PITPNM2: variants seen among roughly 807,000 people sequenced by gnomAD.
The protein encoded by PITPNM2 is phosphatidylinositol transfer protein membrane associated 2.
Under a neutral mutation model 132.2 loss-of-function variants are expected in PITPNM2, and 35 were observed. The observed-to-expected ratio is 0.26, with a 90% CI of 0.20 to 0.35. PITPNM2 has a LOEUF of 0.35. Among genes scored for constraint, PITPNM2 ranks in the 10% least tolerant of loss-of-function variants. The pLI is 1.00. For synonymous variants in PITPNM2, 738 were observed against 799.2 expected (o/e 0.92, Z 1.29); for missense variants, 1,332 against 1,912.0 (o/e 0.70, Z 5.66).
chr12:123,031,288 C>T lies in PITPNM2; in HGVS notation c.78+3225G>A, dbSNP rs1369064780. On this transcript the variant is annotated intron_variant, in intron 3 of 25. Coordinates refer to ENST00000320201, the MANE Select transcript of PITPNM2 (RefSeq NM_020845.3). This position sits in a 1 kb window ranked among gnomAD's most constrained non-coding sequence, Gnocchi z 4.5. ...ACAGTAGGCAGGCCAGCGTTTTGCC[C>T]CTCAGAGGGCACACGACCTATGGGC... is the stretch of plus-strand genomic sequence containing the variant. Among the ~76,000 whole-genome samples the T allele has an allele frequency of 1.3e-5, 2 of 152,210 alleles. No individual in the cohort carries two copies. The highest frequency in any genetic ancestry group is 2.9e-5 in the Non-Finnish European group (2 of 68,042).
chr12:123,114,952 A>G (rs565944938), intron 1 of PITPNM2, among the ~76,000 whole-genome samples: 20 of 152,288 alleles, frequency 1.3e-4, no homozygotes, highest in African/African-American at 4.8e-4. Context: ...AGATCCCTGC[A>G]TGAGGGCCAG....
In PITPNM2 at chr12:123,000,800, A is replaced by T. The variant is rs1173172988; in HGVS notation, c.1202T>A (p.Val401Glu). 6.2e-7 allele frequency: 1 copy of T among 1,614,018 alleles called. No individual in the cohort carries two copies. The change falls in exon 10 of 26, where the codon GTG becomes GAG. Residue 401 changes from valine (V) to glutamate (E), a missense_variant. Physicochemically the swap from Val to Glu is moderately radical, Grantham distance 121 (BLOSUM62 -2). Transcript: ENST00000320201. The surrounding 1 kb of genome is among the most constrained non-coding windows in gnomAD (Gnocchi z 5.4). Reference sequence around the variant, plus strand: ...CACCTCTATGATGTTCAGCTGCTCCACACTGGAGGCCACCCTGAACTCAGG... The same window carrying T: ...CACCTCTATGATGTTCAGCTGCTCCTCACTGGAGGCCACCCTGAACTCAGG... ...GAPEFRVASS[V>E]EQLNIIEDEV...
chr12:123,003,283 C>G (rs2038778470), intron 8 of PITPNM2, among the ~76,000 whole-genome samples: 1 of 152,206 alleles, frequency 6.6e-6, no homozygotes, highest in South Asian at 2.1e-4. Flanking sequence ...GCCGGCCCCC[C>G]TCCAGTCCTG....
At chr12:122,997,828 T>C (rs2038496672) in intron 10 of PITPNM2, among the ~76,000 whole-genome samples, 1 of 152,116 alleles carries the variant, frequency 6.6e-6, no homozygotes, top group Non-Finnish European at 1.5e-5. Flanking sequence ...GCAGCCCTGC[T>C]CCTGTCTGCC....
intron 2 of PITPNM2, among the ~76,000 whole-genome samples, chr12:123,042,928 T>C (rs545931814): frequency 8.6e-5 from 13 of 151,972 alleles, no homozygotes; most frequent in South Asian, 8.4e-4. Context: ...TGGGCTGGGG[T>C]TGCAGGAGTG....
At chr12:123,057,983 C>T (rs960945456) in intron 2 of PITPNM2, among the ~76,000 whole-genome samples, 8 of 152,162 alleles carry the variant, frequency 5.3e-5, no homozygotes, top group Admixed American at 3.9e-4. Context: ...GCCCCAAGTC[C>T]CAGGGACCCC....
Position 123,005,418 on chromosome 12 carries a change from G to T in PITPNM2, c.774C>A (p.Ala258=). The change falls in exon 7 of 26, where the codon GCC becomes GCA. Residue 258 remains alanine (A), a synonymous_variant. Transcript: ENST00000320201. This position sits in a 1 kb window ranked among gnomAD's most constrained non-coding sequence, Gnocchi z 6.2. ...EAQLMLSRKM[A]QFNEDGEEAT... Reference sequence around the variant, plus strand: ...CCTCCTCACCATCCTCATTGAACTGGGCCATCTTACGGGAAAGCATGAGCT... The same window carrying T: ...CCTCCTCACCATCCTCATTGAACTGTGCCATCTTACGGGAAAGCATGAGCT... 1 of 1,614,132 alleles carries T rather than the reference G, an allele frequency of 6.2e-7. No homozygotes were observed. The highest frequency in any genetic ancestry group is 8.5e-7 in the Non-Finnish European group (1 of 1,180,024).
chr12:123,069,939 A>G (rs533318216), intron 2 of PITPNM2, among the ~76,000 whole-genome samples: 1 of 152,320 alleles, frequency 6.6e-6, no homozygotes, highest in South Asian at 2.1e-4. Flanking sequence ...GTGAAAAGCC[A>G]GATGCAATGC....
intron 2 of PITPNM2, among the ~76,000 whole-genome samples, chr12:123,042,597 C>G (rs1176499081): frequency 6.6e-6 from 1 of 152,104 alleles, no homozygotes; most frequent in Non-Finnish European, 1.5e-5. Context: ...TAGTGGGAAG[C>G]GAGGGAGCCA....
chr12:123,128,577 C>T (rs1179674989), intron 1 of PITPNM2, among the ~76,000 whole-genome samples: 1 of 150,780 alleles, frequency 6.6e-6, no homozygotes, highest in Non-Finnish European at 1.5e-5. Context: ...CATGTTGAAA[C>T]CCCGCCTCTA....
chr12:123,119,459 AAC>A (rs2042992275), intron 1 of PITPNM2, among the ~76,000 whole-genome samples: 1 of 150,634 alleles, frequency 6.6e-6, no homozygotes, highest in Admixed American at 6.6e-5. Flanking sequence ...CCAGCTTCAC[AAC>A]ATTCTCCTGC....
chr12:123,026,585 G>A (rs1471272200), intron 3 of PITPNM2, among the ~76,000 whole-genome samples: 1 of 152,246 alleles, frequency 6.6e-6, no homozygotes, highest in African/African-American at 2.4e-5. Flanking sequence ...GTTTCTTTGG[G>A]CAGAGGCCTG....
rs534836069 is a variant in PITPNM2 at position 123,069,525 on chromosome 12, T to G, written c.-95-34840A>C. Among the ~76,000 whole-genome samples the G allele has an allele frequency of 1.1e-4, 16 of 152,220 alleles. 1 individual carries two copies. The South Asian group carries it at 3.3e-3, about 32-fold the overall frequency. The stretch of plus-strand genomic sequence containing the variant: ...GGGCTTGCTGGGGTCCCTATAGGCC[T>G]GGAATCAGATGGCCAGAGTCCTCTG... On this transcript the variant is annotated intron_variant, in intron 2 of 25. Transcript: ENST00000320201.
At chr12:123,081,805 G>A (rs1342088918) in intron 2 of PITPNM2, 1 of 152,252 alleles carries the variant, frequency 6.6e-6, no homozygotes, top group African/African-American at 2.4e-5. Flanking sequence ...TGGCAGCTGT[G>A]TGGCTTCAAA....
intron 3 of PITPNM2, among the ~76,000 whole-genome samples, chr12:123,026,038 G>A (rs2039852424): frequency 1.3e-5 from 2 of 152,108 alleles, no homozygotes; most frequent in Admixed American, 6.5e-5. Flanking sequence ...GCACCAAGGT[G>A]GCTCAAGGAA....
At chr12:123,130,592 A>G (rs1209300631) in intron 1 of PITPNM2, among the ~76,000 whole-genome samples, 1 of 152,186 alleles carries the variant, frequency 6.6e-6, no homozygotes. Flanking sequence ...CATCCTGGCT[A>G]ACATGGTGAA....
At chr12:123,006,070 C>CA (rs2038921475) in intron 6 of PITPNM2, 1 of 152,376 alleles carries the variant, frequency 6.6e-6, no homozygotes, top group Non-Finnish European at 1.5e-5. Context: ...ATGATTGTGC[C>CA]ACTGCACTCC....
chr12:123,029,428 A>T (rs2136404501), intron 3 of PITPNM2, among the ~76,000 whole-genome samples: 1 of 152,328 alleles, frequency 6.6e-6, no homozygotes, highest in South Asian at 2.1e-4. Context: ...TCTACTAAAA[A>T]TACAAAAATT....
intron 5 of PITPNM2, among the ~76,000 whole-genome samples, chr12:123,011,951 C>T (rs1013507363): frequency 2.0e-5 from 3 of 152,178 alleles, no homozygotes; most frequent in African/African-American, 4.8e-5. Flanking sequence ...TGGAGCAGCT[C>T]CTGGGCCATG....
Sources: gnomAD v4.1 joint callset for allele counts (sites outside exome capture counted in the v4.1 genomes callset) on GRCh38, gnomAD v4.1.1 for gene constraint, Gnocchi (gnomAD v3.1) non-coding constraint, MANE v1.5 for transcripts, NCBI Gene and HGNC (gene_info 2026-07-23, HGNC 2026-07-21) for gene names.